GREB1L: variants seen among roughly 807,000 people sequenced by gnomAD.
The protein encoded by GREB1L is GREB1-like protein.
GREB1L carries 17 observed loss-of-function variants against 200.8 expected under a neutral mutation model. That is an observed-to-expected ratio of 0.08 (90% CI 0.06 to 0.13). The LOEUF is 0.13. Ranked by LOEUF, GREB1L falls within the 10% of genes least tolerant of loss-of-function variation. GREB1L has a pLI of 1.00. For synonymous variants in GREB1L, 789 were observed against 893.0 expected, an observed-to-expected ratio of 0.88 and a Z score of 2.08; for missense variants, 1,657 against 2,367.7, an observed-to-expected ratio of 0.70 and a Z score of 6.23.
At chr18:21,511,781 G>T (rs1598953018) in intron 27 of GREB1L, among the ~76,000 whole-genome samples, 1 of 152,172 alleles carries the variant, frequency 6.6e-6, no homozygotes, top group Admixed American at 6.6e-5. Context: ...TGAGTGGCTA[G>T]GACTATAGGC....
Position 21,473,071 on chromosome 18 carries a change from C to A in GREB1L, c.2223C>A (p.Ala741=). 6.5e-7 allele frequency: 1 copy of A among 1,548,708 alleles called. No homozygotes were observed. Among genetic ancestry groups the A allele is most frequent in the East Asian group, 2.5e-5 (1 of 40,806 alleles). ...VDLGLEENGT[A]HQRAEKYVVR... ...TGGGTCTGGAGGAAAATGGGACAGC[C>A]CATCAGAGAGCAGAAAAATATGTTG... Residue 741 remains alanine, a synonymous_variant, in exon 16 of 33, where the codon GCC becomes GCA. Coordinates refer to ENST00000424526, the MANE Select transcript of GREB1L (RefSeq NM_001142966.3).
rs1484905374 is a variant in GREB1L, at chr18:21,518,153, A to G, written c.5391A>G (p.Ser1797=). The change falls in exon 31 of 33, where the codon TCA becomes TCG. Residue 1797 remains serine, a synonymous_variant. Transcript: ENST00000424526. Reference sequence around the variant, plus strand: ...TGGAGAAATTCCTTCAGCACGCCTCATATAAACTCTTCCCCAAAGCCATCC... The same window carrying G: ...TGGAGAAATTCCTTCAGCACGCCTCGTATAAACTCTTCCCCAAAGCCATCC... ...FLLEKFLQHA[S]YKLFPKAIHN... is the part of the protein sequence containing the mutation. 3.2e-6 allele frequency: 5 copies of G among 1,551,652 alleles called. No individual in the cohort carries two copies. Among genetic ancestry groups the G allele is most frequent in the Non-Finnish European group, 4.4e-6 (5 of 1,146,982 alleles).
At chr18:21,335,278 C>A (rs2039167345) in intron 1 of GREB1L, among the ~76,000 whole-genome samples, 1 of 152,160 alleles carries the variant, frequency 6.6e-6, no homozygotes, top group Admixed American at 6.5e-5. Context: ...AGTATGGATA[C>A]ATGATCAAAA....
intron 15 of GREB1L, among the ~76,000 whole-genome samples, chr18:21,459,411 G>A (rs762725849): frequency 4.0e-5 from 6 of 149,136 alleles, no homozygotes; most frequent in Non-Finnish European, 7.4e-5. Flanking sequence ...CCAGCCTTCC[G>A]AGTAGCTTGG....
intron 1 of GREB1L, among the ~76,000 whole-genome samples, chr18:21,361,489 G>A (rs1216038676): frequency 1.3e-5 from 2 of 152,114 alleles, no homozygotes; most frequent in African/African-American, 4.8e-5. Flanking sequence ...GTCAGGGAAG[G>A]GAAGCTTCCT....
chr18:21,404,257 A>G (rs773034281), intron 7 of GREB1L, among the ~76,000 whole-genome samples: 5 of 152,186 alleles, frequency 3.3e-5, no homozygotes, highest in Non-Finnish European at 5.9e-5. Context: ...ACAGTAGGCA[A>G]TAAGTGGAAA....
intron 16 of GREB1L, among the ~76,000 whole-genome samples, chr18:21,473,581 A>C (rs1446574593): frequency 6.8e-6 from 1 of 147,682 alleles, no homozygotes; most frequent in East Asian, 2.0e-4. Context: ...AAAAAAAAAA[A>C]AAAAAAGAAA....
chr18:21,276,436 C>T (rs1218934811), intron 1 of GREB1L, among the ~76,000 whole-genome samples: 1 of 152,196 alleles, frequency 6.6e-6, no homozygotes, highest in East Asian at 1.9e-4. Context: ...GGGCTGGGAA[C>T]GCTGCCCTGA....
rs1424162029 is a variant in GREB1L, at chr18:21,471,690, C to T, written c.2183-1341C>T. 2.0e-5 allele frequency among the ~76,000 whole-genome samples: 3 copies of T among 146,970 alleles called. No individual in the cohort carries two copies. In the South Asian group the frequency reaches 6.4e-4, roughly 31 times the overall value. On this transcript the variant is annotated intron_variant, in intron 15 of 32. Transcript: ENST00000424526. ...AGGCTGGAGTGCAGTGGTGTGATCTCGGCACACCGCAACCTCGGCCTCCTG... is the reference window on the plus strand; with the variant it reads ...AGGCTGGAGTGCAGTGGTGTGATCTTGGCACACCGCAACCTCGGCCTCCTG...
At chr18:21,493,845 G>A in intron 19 of GREB1L, among the ~76,000 whole-genome samples, 1 of 109,838 alleles carries the variant, frequency 9.1e-6, no homozygotes, top group Non-Finnish European at 1.7e-5. Flanking sequence ...CAGCCTGGGT[G>A]ACAGAGTGAG....
intron 1 of GREB1L, among the ~76,000 whole-genome samples, chr18:21,301,922 G>C (rs894410528): frequency 6.6e-6 from 1 of 152,322 alleles, no homozygotes; most frequent in Admixed American, 6.5e-5. Context: ...CGAGGAATTG[G>C]AAGGAGGTTG....
chr18:21,333,541 G>A (rs1304578620), intron 1 of GREB1L, among the ~76,000 whole-genome samples: 6 of 152,024 alleles, frequency 3.9e-5, no homozygotes, highest in African/African-American at 1.4e-4. Context: ...TGGGTGTGGT[G>A]GCAGGTGCCT....
intron 15 of GREB1L, among the ~76,000 whole-genome samples, chr18:21,457,594 A>G (rs1195211671): frequency 6.6e-6 from 1 of 152,202 alleles, no homozygotes; most frequent in Non-Finnish European, 1.5e-5. Flanking sequence ...TTCACTTGGC[A>G]TTACAGTGTG....
At chr18:21,516,502 G>A in intron 29 of GREB1L, 111 bp from the exon 30 acceptor site, 1 of 1,075,418 alleles carries the variant, frequency 9.3e-7, no homozygotes, top group Non-Finnish European at 1.3e-6. Flanking sequence ...CAAAAGCATG[G>A]TTGATTATTT....
chr18:21,328,050 C>A (rs1261283800), intron 1 of GREB1L, among the ~76,000 whole-genome samples: 1 of 152,148 alleles, frequency 6.6e-6, no homozygotes, highest in Non-Finnish European at 1.5e-5. Context: ...CACTCTCTAG[C>A]CTAACTTCAG....
chr18:21,445,053 G>T (rs1360804533), intron 11 of GREB1L, among the ~76,000 whole-genome samples: 2 of 152,178 alleles, frequency 1.3e-5, no homozygotes, highest in African/African-American at 4.8e-5. Context: ...GTGTATGCAG[G>T]TGCCCTGACA....
intron 2 of GREB1L, among the ~76,000 whole-genome samples, chr18:21,372,621 T>G (rs1249290056): frequency 6.6e-6 from 1 of 152,116 alleles, no homozygotes; most frequent in Non-Finnish European, 1.5e-5. Flanking sequence ...TTGTAAACTT[T>G]CTTAAAATAT....
intron 7 of GREB1L, among the ~76,000 whole-genome samples, chr18:21,432,619 A>G (rs1388511861): frequency 7.0e-6 from 1 of 141,920 alleles, no homozygotes; most frequent in African/African-American, 2.7e-5. Flanking sequence ...GAAGCATGGT[A>G]TGTCTTCGTA....
At chr18:21,329,633 C>T (rs2039077271) in intron 1 of GREB1L, among the ~76,000 whole-genome samples, 1 of 152,090 alleles carries the variant, frequency 6.6e-6, no homozygotes, top group Non-Finnish European at 1.5e-5. Context: ...TAGCCTATTG[C>T]TCAAGTTTCA....
Sources: gnomAD v4.1 joint callset for allele counts (sites outside exome capture counted in the v4.1 genomes callset) on GRCh38, gnomAD v4.1.1 for gene constraint, MANE v1.5 for transcripts, NCBI Gene and HGNC (gene_info 2026-07-23, HGNC 2026-07-21) for gene names.